LRIG2: variants seen among roughly 807,000 people sequenced by gnomAD.
LRIG2 encodes the protein leucine rich repeats and immunoglobulin like domains 2.
Under a neutral mutation model 107.8 loss-of-function variants are expected in LRIG2, and 93 were observed. That is an observed-to-expected ratio of 0.86 (90% CI 0.73 to 1.03). LRIG2 has a LOEUF of 1.03. LRIG2 is among the 50% of genes least tolerant of loss of function. LRIG2 has a pLI of 0.00. For missense variants in LRIG2, 1,226 were observed against 1,296.0 expected, an observed-to-expected ratio of 0.95 and a Z score of 0.83; for synonymous variants, 471 against 470.6, an observed-to-expected ratio of 1.00 and a Z score of -0.01.
intron 1 of LRIG2, among the ~76,000 whole-genome samples, chr1:113,090,759 A>T (rs1174095640): frequency 6.6e-6 from 1 of 151,396 alleles, no homozygotes; most frequent in East Asian, 2.0e-4. Context: ...AATGGCGTGA[A>T]CCCGGGAGGC....
rs1294713305 is a variant in LRIG2, at chr1:113,119,344, A to G, written c.2792A>G (p.Asp931Gly). ...YTYIAEEDVL[D>G]QTLSSLMVQM... Reference sequence around the variant, plus strand: ...TATATTGCTGAGGAGGACGTTCTTGATCAGACACTGTCCAGCCTCATGGTC... The same window carrying G: ...TATATTGCTGAGGAGGACGTTCTTGGTCAGACACTGTCCAGCCTCATGGTC... The change falls in exon 17 of 18, where the codon GAT becomes GGT. Residue 931 changes from aspartate (D) to glycine (G), a missense_variant. By Grantham distance (94) the Asp-to-Gly change is moderately conservative (BLOSUM62 -1). This residue lies in a region of LRIG2 where 642 missense variants were observed against 712.2 expected (regional missense o/e 0.90). Coordinates refer to ENST00000361127, the MANE Select transcript of LRIG2 (RefSeq NM_014813.3). 2 of 1,613,978 alleles carry G rather than the reference A, an allele frequency of 1.2e-6. No individual in the cohort carries two copies. The highest frequency in any genetic ancestry group is 1.1e-5 in the South Asian group (1 of 91,074).
chr1:113,091,410 T>A (rs764868502), intron 2 of LRIG2, 27 bp downstream of exon 2: 1 of 1,418,724 alleles, frequency 7.0e-7, no homozygotes, highest in Non-Finnish European at 9.8e-7. Flanking sequence ...TATTTAAAGT[T>A]ATGTTAAATT....
intron 17 of LRIG2, among the ~76,000 whole-genome samples, chr1:113,122,185 C>T (rs1323549760): frequency 3.4e-5 from 5 of 147,940 alleles, no homozygotes; most frequent in Non-Finnish European, 3.0e-5. Flanking sequence ...CGGGTTCAAG[C>T]GAGTCTCCTG....
chr1:113,083,218 C>CTTTT (rs11321902), intron 1 of LRIG2, among the ~76,000 whole-genome samples: 1 of 112,364 alleles, frequency 8.9e-6, no homozygotes, highest in Non-Finnish European at 1.9e-5. Flanking sequence ...CTACTGCACA[C>CTTTT]TTTTTTTTTT....
chr1:113,073,759 T>A, intron 1 of LRIG2, 114 bp downstream of exon 1: 1 of 931,690 alleles, frequency 1.1e-6, no homozygotes. Flanking sequence ...GCCTAAGCTC[T>A]GAAGGAAACT....
chr1:113,105,914 A>C (rs529755185), intron 11 of LRIG2, among the ~76,000 whole-genome samples: 1 of 152,308 alleles, frequency 6.6e-6, no homozygotes, highest in South Asian at 2.1e-4. Context: ...TGAACAATGT[A>C]AGTCAATTTT....
chr1:113,111,503 G>A (rs1471793687), intron 13 of LRIG2, among the ~76,000 whole-genome samples: 1 of 152,048 alleles, frequency 6.6e-6, no homozygotes, highest in East Asian at 1.9e-4. Context: ...AATCTCTAAC[G>A]TCCATGATAC....
rs1401252662 is a variant in LRIG2 at position 113,131,355 on chromosome 1, A to G, written c.*7254A>G. On this transcript the variant is annotated 3_prime_UTR_variant, in exon 18 of 18. Transcript: ENST00000361127. ...CCCAAGTGTGTCATGGCCTTTTTTA[A>G]TCATTTTAATATCCCCAGAAATGCT... is the stretch of plus-strand genomic sequence containing the variant. 6.6e-6 allele frequency: 1 copy of G among 152,164 alleles called. No homozygotes were observed. 9.4% of individuals were successfully genotyped at this position (152,164 alleles called of 1,614,324 possible).
At chr1:113,123,727 T>TTTTTGTGTGTGTG in intron 17 of LRIG2, 148 bp from the exon 18 acceptor site, 1 of 596,548 alleles carries the variant, frequency 1.7e-6, no homozygotes, top group African/African-American at 2.0e-5. Context: ...GTGGTGGTTT[T>TTTTTGTGTGTGTG]TGTGTGTGTG....
chr1:113,100,579 C>A, intron 11 of LRIG2, 91 bp downstream of exon 11: 1 of 699,876 alleles, frequency 1.4e-6, no homozygotes. Flanking sequence ...AAGTTATTTC[C>A]AAAAGCACAC....
At chr1:113,115,681 C>T (rs1654977395) in intron 15 of LRIG2, among the ~76,000 whole-genome samples, 1 of 151,980 alleles carries the variant, frequency 6.6e-6, no homozygotes, top group Non-Finnish European at 1.5e-5. Flanking sequence ...GCGTGTGCCA[C>T]CATGCCCAGC....
At chr1:113,107,552 A>C in intron 11 of LRIG2, 42 bp from the exon 12 acceptor site, 3 of 1,585,826 alleles carry the variant, frequency 1.9e-6, no homozygotes, top group Non-Finnish European at 2.6e-6. Flanking sequence ...TTTAGAATGA[A>C]AAGTAAAACA....
intron 13 of LRIG2, 105 bp downstream of exon 13, chr1:113,110,667 T>A: frequency 1.2e-6 from 1 of 823,682 alleles, no homozygotes. Flanking sequence ...TAAGTAGGAC[T>A]CTTACTGTTA....
In LRIG2 at chr1:113,127,280, C is replaced by G. The variant is rs917028729; in HGVS notation, c.*3179C>G. ...GGTCACCCAGGCTGGAGCGCAGTGG[C>G]ATGATCTTGGCTTACTGCAACCTCC... On this transcript the variant is annotated 3_prime_UTR_variant, in exon 18 of 18. Transcript: ENST00000361127. The G allele has an allele frequency of 6.6e-6, 1 of 151,892 alleles. No individual in the cohort carries two copies. The highest frequency in any genetic ancestry group is 2.4e-5 in the African/African-American group (1 of 41,350). 9.4% of individuals were successfully genotyped at this position (151,892 alleles called of 1,614,324 possible).
chr1:113,119,403 C>T lies in LRIG2; in HGVS notation c.2851C>T (p.Pro951Ser), dbSNP rs1487995918. Reference sequence around the variant, plus strand: ...TAAAGAGACATATTTAGTACATCCTCCCCAGGATACTACTGCCCTAGAGAG... The same window carrying T: ...TAAAGAGACATATTTAGTACATCCTTCCCAGGATACTACTGCCCTAGAGAG... ...MPKETYLVHP[P>S]QDTTALESLI... Residue 951 changes from proline to serine, a missense_variant, in exon 17 of 18, where the codon CCC becomes TCC. Physicochemically the swap from Pro to Ser is moderately conservative, Grantham distance 74 (BLOSUM62 -1). Coordinates refer to ENST00000361127, the MANE Select transcript of LRIG2 (RefSeq NM_014813.3). 3 of 1,614,078 alleles carry T rather than the reference C, an allele frequency of 1.9e-6. No individual in the cohort carries two copies. Among genetic ancestry groups the T allele is most frequent in the Non-Finnish European group, 1.7e-6 (2 of 1,180,042 alleles).
rs574454413 is a variant in LRIG2, at chr1:113,115,098, G to A, written c.2530+222G>A. 9.8e-5 allele frequency among the ~76,000 whole-genome samples: 15 copies of A among 152,286 alleles called. No individual in the cohort carries two copies. In the South Asian group the frequency reaches 3.1e-3, roughly 32 times the overall value. ...ATCTTCCCCCTCAAAAAACTGAAGA[G>A]CTGTGATACATTACCTGATATGTGA... is the stretch of plus-strand genomic sequence containing the variant. On this transcript the variant is annotated intron_variant, in intron 15 of 17. Coordinates refer to ENST00000361127, the MANE Select transcript of LRIG2 (RefSeq NM_014813.3).
intron 1 of LRIG2, among the ~76,000 whole-genome samples, chr1:113,080,267 CTT>C (rs1313887955): frequency 6.6e-6 from 1 of 152,192 alleles, no homozygotes; most frequent in Admixed American, 6.5e-5. Flanking sequence ...GATTGGCCCA[CTT>C]TGGCCTTCCA....
chr1:113,083,390 G>C (rs549631768), intron 1 of LRIG2, among the ~76,000 whole-genome samples: 57 of 135,244 alleles, frequency 4.2e-4, no homozygotes, highest in Non-Finnish European at 7.5e-4. Flanking sequence ...CTGTTGCCCA[G>C]GCTTGAGTGT....
At chr1:113,120,832 T>A (rs80280833) in intron 17 of LRIG2, among the ~76,000 whole-genome samples, 16 of 150,754 alleles carry the variant, frequency 1.1e-4, no homozygotes, top group Non-Finnish European at 1.6e-4. Context: ...TTTTTTTTTT[T>A]ATTTGAGATG....
Sources: allele counts gnomAD v4.1 joint callset (sites outside exome capture counted in the v4.1 genomes callset), GRCh38; gene constraint gnomAD v4.1.1; regional missense constraint gnomAD v4.1.1; transcripts MANE v1.5; gene names NCBI Gene and HGNC (gene_info 2026-07-23, HGNC 2026-07-21).